The following KCNH7 variants were observed in gnomAD, a reference collection of about 807,000 sequenced individuals.
The protein encoded by KCNH7 is potassium voltage-gated channel subfamily H member 7, also known as voltage-gated inwardly rectifying potassium channel KCNH7.
A neutral mutation model predicts 120.8 loss-of-function variants in KCNH7; 49 were observed. The observed-to-expected ratio is 0.41, with a 90% CI of 0.32 to 0.51. The LOEUF (loss-of-function observed/expected upper bound fraction) is 0.51, where lower values mean the gene tolerates loss of function less well. KCNH7 is among the 20% of genes least tolerant of loss of function. The probability of loss-of-function intolerance (pLI) is 0.38; values close to 1 mark genes in which losing one functional copy is unlikely to be tolerated. For missense variants in KCNH7, 1,097 were observed against 1,446.6 expected, an observed-to-expected ratio of 0.76 and a Z score of 3.92; for synonymous variants, 547 against 516.1, an observed-to-expected ratio of 1.06 and a Z score of -0.81.
chr2:162,714,008 A>G (rs1005648365), intron 2 of KCNH7, among the ~76,000 whole-genome samples: 1 of 152,156 alleles, frequency 6.6e-6, no homozygotes. Flanking sequence ...TCGGCCTCCC[A>G]AAGTGCTGGG....
At chr2:162,741,329 A>C (rs1432881180) in intron 2 of KCNH7, among the ~76,000 whole-genome samples, 1 of 148,184 alleles carries the variant, frequency 6.7e-6, no homozygotes, top group Non-Finnish European at 1.5e-5. Context: ...TATTAATAAC[A>C]TATGTTATTA....
At chr2:162,747,863 A>G (rs1688368131) in intron 2 of KCNH7, among the ~76,000 whole-genome samples, 1 of 152,184 alleles carries the variant, frequency 6.6e-6, no homozygotes, top group Admixed American at 6.5e-5. Flanking sequence ...AGTACTTTCT[A>G]CAGTGGTCCA....
intron 6 of KCNH7, among the ~76,000 whole-genome samples, chr2:162,496,373 C>T (rs954520481): frequency 2.0e-5 from 3 of 152,072 alleles, no homozygotes; most frequent in Non-Finnish European, 4.4e-5. Context: ...TTAAGCATGC[C>T]TGCAGTGGAC....
At chr2:162,426,378 C>A (rs1411203121) in intron 8 of KCNH7, among the ~76,000 whole-genome samples, 1 of 152,060 alleles carries the variant, frequency 6.6e-6, no homozygotes, top group Non-Finnish European at 1.5e-5. Context: ...TACTTATGTT[C>A]TGTACATATT....
chr2:162,531,404 C>T (rs1455044901), intron 3 of KCNH7, among the ~76,000 whole-genome samples: 3 of 151,896 alleles, frequency 2.0e-5, no homozygotes, highest in African/African-American at 7.2e-5. Flanking sequence ...CCATGAAAGA[C>T]AACTATTCCG....
intron 6 of KCNH7, among the ~76,000 whole-genome samples, chr2:162,447,662 G>A (rs901073267): frequency 6.6e-6 from 1 of 152,082 alleles, no homozygotes; most frequent in Admixed American, 6.6e-5. Context: ...CCATTGGTTA[G>A]TCAGAGAGTG....
chr2:162,383,436 T>C (rs1461569081), intron 13 of KCNH7, among the ~76,000 whole-genome samples: 2 of 151,952 alleles, frequency 1.3e-5, no homozygotes, highest in East Asian at 1.9e-4. Context: ...CAGAGAACAC[T>C]TGCATATATT....
chr2:162,614,776 A>C (rs1023339629), intron 2 of KCNH7, among the ~76,000 whole-genome samples: 2 of 150,338 alleles, frequency 1.3e-5, no homozygotes, highest in African/African-American at 4.9e-5. Flanking sequence ...CACAAAATTT[A>C]GGATAGTTAC....
chr2:162,585,994 T>A (rs891296978), intron 2 of KCNH7, among the ~76,000 whole-genome samples: 4 of 152,074 alleles, frequency 2.6e-5, no homozygotes, highest in Non-Finnish European at 5.9e-5. Flanking sequence ...ATTTTCCTTT[T>A]AAAAAAATTA....
chr2:162,399,327 T>A (rs1445633789), intron 10 of KCNH7, among the ~76,000 whole-genome samples: 1 of 151,516 alleles, frequency 6.6e-6, no homozygotes, highest in South Asian at 2.1e-4. Flanking sequence ...ATGGCCTAAA[T>A]TTATTTTTAT....
At chr2:162,568,220 C>A (rs1574112130) in intron 2 of KCNH7, among the ~76,000 whole-genome samples, 2 of 151,962 alleles carry the variant, frequency 1.3e-5, no homozygotes, top group Non-Finnish European at 2.9e-5. Flanking sequence ...GAACCACCCC[C>A]ATGATTCAAT....
chr2:162,704,264 C>A (rs564607942), intron 2 of KCNH7, among the ~76,000 whole-genome samples: 1 of 151,784 alleles, frequency 6.6e-6, no homozygotes, highest in East Asian at 1.9e-4. Context: ...CCAGAGTGGG[C>A]CAATGTTGAT....
intron 2 of KCNH7, among the ~76,000 whole-genome samples, chr2:162,631,098 C>G (rs1683749689): frequency 6.6e-6 from 1 of 152,088 alleles, no homozygotes; most frequent in Non-Finnish European, 1.5e-5. Flanking sequence ...TTCAAGAACA[C>G]CAGGCTTGCA....
rs78840369 is a variant in KCNH7, at chr2:162,440,526, A to C, written c.1555-4929T>G. Reference sequence around the variant, plus strand: ...TCAACAATATCAGAAACTAGTTTCTAGTCCTTTGTTCAGCTTAACCACATC... The same window carrying C: ...TCAACAATATCAGAAACTAGTTTCTCGTCCTTTGTTCAGCTTAACCACATC... On this transcript the variant is annotated intron_variant, in intron 7 of 15. Transcript: ENST00000332142. Among the ~76,000 whole-genome samples, 24 of 152,166 alleles carry C rather than the reference A, an allele frequency of 1.6e-4. No individual in the cohort carries two copies. The East Asian group carries it at 4.1e-3, about 26-fold the overall frequency.
chr2:162,656,600 A>T (rs931163622), intron 2 of KCNH7, among the ~76,000 whole-genome samples: 1 of 152,200 alleles, frequency 6.6e-6, no homozygotes, highest in Admixed American at 6.5e-5. Context: ...TCTCCTTTCC[A>T]CTTCTATGAG....
chr2:162,832,564 A>T (rs2172420), intron 2 of KCNH7, among the ~76,000 whole-genome samples: 2 of 151,712 alleles, frequency 1.3e-5, no homozygotes, highest in Non-Finnish European at 2.9e-5. Context: ...CTCTTTTTCC[A>T]TTAAAAATAA....
intron 2 of KCNH7, among the ~76,000 whole-genome samples, chr2:162,791,490 G>A (rs1032401982): frequency 2.6e-5 from 4 of 151,946 alleles, no homozygotes; most frequent in Non-Finnish European, 4.4e-5. Flanking sequence ...TCCTTGTAGG[G>A]ATCTTTAACC....
chr2:162,380,560 A>G (rs1686380271), intron 13 of KCNH7, among the ~76,000 whole-genome samples: 2 of 152,080 alleles, frequency 1.3e-5, no homozygotes, highest in South Asian at 4.1e-4. Flanking sequence ...AGCCATGAAA[A>G]ATGGGAAGAA....
intron 2 of KCNH7, among the ~76,000 whole-genome samples, chr2:162,632,551 TAGAA>T (rs1436524929): frequency 6.6e-6 from 1 of 151,866 alleles, no homozygotes; most frequent in Non-Finnish European, 1.5e-5. Flanking sequence ...TATTCAATAT[TAGAA>T]AGAAACTTTC....
Sources: allele counts gnomAD v4.1 joint callset (sites outside exome capture counted in the v4.1 genomes callset), GRCh38; gene constraint gnomAD v4.1.1; transcripts MANE v1.5; gene names NCBI Gene and HGNC (gene_info 2026-07-23, HGNC 2026-07-21).